The following PTPRD variants were observed in gnomAD, a reference collection of about 807,000 sequenced individuals.
PTPRD encodes the protein receptor-type tyrosine-protein phosphatase delta.
A neutral mutation model predicts 214.5 loss-of-function variants in PTPRD; 34 were observed. The observed-to-expected ratio is 0.16, with a 90% CI of 0.12 to 0.21. The LOEUF is 0.21. Among genes scored for constraint, PTPRD ranks in the 10% least tolerant of loss-of-function variants. The pLI is 1.00. For missense variants in PTPRD, 2,545 were observed against 2,398.7 expected (o/e 1.06, Z -1.27); for synonymous variants, 1,128 against 845.7 (o/e 1.33, Z -5.79).
intron 12 of PTPRD, 63 bp downstream of exon 12, chr9:8,733,717 C>T (rs2098686441): frequency 6.6e-7 from 1 of 1,510,594 alleles, no homozygotes; most frequent in Non-Finnish European, 9.0e-7. Context: ...GAGCCTGGTG[C>T]CAACTGCAAA....
intron 23 of PTPRD, among the ~76,000 whole-genome samples, 199 bp downstream of exon 23, chr9:8,504,062 G>A (rs557439823): frequency 6.6e-6 from 1 of 152,282 alleles, no homozygotes; most frequent in South Asian, 2.1e-4. Flanking sequence ...GAAGTGGGAA[G>A]GTGGGATCTG....
At chr9:10,244,597 GC>G (rs61304531) in intron 3 of PTPRD, among the ~76,000 whole-genome samples, 83,728 of 151,854 alleles carry the variant, frequency 0.55, 24,710 homozygotes, top group East Asian at 0.73. Context: ...TTGGATATGA[GC>G]CAGGGAATCA....
At position 8,705,180 on chromosome 9, in the gene PTPRD, T is replaced by C. The variant is rs13296511; in HGVS notation, c.64+28600A>G. ...AATTCTCACAAGAAAAATGTATTAT[T>C]CCCTTAATGAGTATGATCACTTTCC... On this transcript the variant is annotated intron_variant, in intron 12 of 45. Transcript: ENST00000381196. Among the ~76,000 whole-genome samples, 1,335 of 152,274 alleles carry C rather than the reference T, an allele frequency of 8.8e-3. 10 individuals carry two copies. Among genetic ancestry groups the C allele is most frequent in the Non-Finnish European group, 0.014 (956 of 68,034 alleles).
intron 4 of PTPRD, among the ~76,000 whole-genome samples, chr9:10,000,844 G>T (rs957225742): frequency 9.9e-5 from 15 of 152,078 alleles, no homozygotes; most frequent in African/African-American, 3.6e-4. Flanking sequence ...CTATCTCCAC[G>T]GGTGCAGGAC....
chr9:8,775,483 C>T (rs1462311675), intron 11 of PTPRD, among the ~76,000 whole-genome samples: 1 of 152,004 alleles, frequency 6.6e-6, no homozygotes, highest in African/African-American at 2.4e-5. Context: ...AGATGCAGTA[C>T]ATAACAGGTA....
intron 2 of PTPRD, among the ~76,000 whole-genome samples, chr9:10,510,525 G>A (rs543942381): frequency 3.8e-4 from 58 of 151,918 alleles, no homozygotes; most frequent in Non-Finnish European, 7.8e-4. Context: ...TGTTGCTTTC[G>A]GCATATCGCT....
At chr9:9,297,697 T>C (rs1981049) in intron 9 of PTPRD, among the ~76,000 whole-genome samples, 109,859 of 151,304 alleles carry the variant, frequency 0.73, 40,129 homozygotes, top group African/African-American at 0.79. Context: ...CCAACATTGA[T>C]GGTTGGTTAA....
intron 10 of PTPRD, among the ~76,000 whole-genome samples, chr9:9,177,081 T>TATA: frequency 6.6e-6 from 1 of 152,248 alleles, no homozygotes; most frequent in African/African-American, 2.4e-5. Flanking sequence ...AAAAGAGGTT[T>TATA]AATTGACTCA....
At chr9:10,462,521 C>A (rs2098966212) in intron 2 of PTPRD, among the ~76,000 whole-genome samples, 1 of 152,244 alleles carries the variant, frequency 6.6e-6, no homozygotes, top group African/African-American at 2.4e-5. Context: ...TAGAGCATTC[C>A]ACACTGTGGG....
intron 14 of PTPRD, among the ~76,000 whole-genome samples, chr9:8,556,933 C>G (rs1273045896): frequency 6.6e-6 from 1 of 152,106 alleles, no homozygotes; most frequent in Non-Finnish European, 1.5e-5. Context: ...CTTTATAGTC[C>G]TTATATGCAC....
At chr9:8,511,776 A>G (rs1041895732) in intron 21 of PTPRD, among the ~76,000 whole-genome samples, 1 of 152,174 alleles carries the variant, frequency 6.6e-6, no homozygotes, top group African/African-American at 2.4e-5. Context: ...CCTCTTGATT[A>G]CTTACTTAAT....
chr9:10,556,072 T>A (rs141076880), intron 2 of PTPRD, among the ~76,000 whole-genome samples: 1,742 of 152,252 alleles, frequency 0.011, 36 homozygotes, highest in African/African-American at 0.039. Flanking sequence ...CTTTTGCAAC[T>A]GTTTTTTATA....
At chr9:10,575,987 G>C (rs2069173023) in intron 2 of PTPRD, among the ~76,000 whole-genome samples, 1 of 152,082 alleles carries the variant, frequency 6.6e-6, no homozygotes, top group Non-Finnish European at 1.5e-5. Flanking sequence ...GATTAGGATG[G>C]TTATTTTCAC....
At chr9:9,576,361 G>C (rs1196914176) in intron 7 of PTPRD, among the ~76,000 whole-genome samples, 5 of 152,110 alleles carry the variant, frequency 3.3e-5, no homozygotes, top group Non-Finnish European at 7.4e-5. Flanking sequence ...TATCACGGAG[G>C]TGTAAAGGAG....
At chr9:8,395,562 C>A (rs1266730574) in intron 36 of PTPRD, among the ~76,000 whole-genome samples, 2 of 152,086 alleles carry the variant, frequency 1.3e-5, no homozygotes, top group African/African-American at 2.4e-5. Context: ...TGCAAAGACA[C>A]AGTCTATTGT....
chr9:8,391,591 G>A (rs923305779), intron 36 of PTPRD, among the ~76,000 whole-genome samples: 2 of 152,120 alleles, frequency 1.3e-5, no homozygotes, highest in Non-Finnish European at 2.9e-5. Flanking sequence ...CATCTAACAG[G>A]AAAAACCTAC....
chr9:9,702,972 T>G (rs1396114682), intron 7 of PTPRD, among the ~76,000 whole-genome samples: 1 of 152,184 alleles, frequency 6.6e-6, no homozygotes, highest in Non-Finnish European at 1.5e-5. Context: ...ACTATTCTCT[T>G]TTTAAACAGA....
chr9:9,359,608 C>G (rs2138920760), intron 9 of PTPRD, among the ~76,000 whole-genome samples: 1 of 151,368 alleles, frequency 6.6e-6, no homozygotes, highest in East Asian at 2.0e-4. Flanking sequence ...CTAGTCATTA[C>G]TCACATGGAG....
intron 2 of PTPRD, among the ~76,000 whole-genome samples, chr9:10,370,445 G>C (rs1159199749): frequency 6.6e-6 from 1 of 151,940 alleles, no homozygotes; most frequent in Non-Finnish European, 1.5e-5. Flanking sequence ...CTCTGACATA[G>C]TACAATACTT....
Sources: gnomAD v4.1 joint callset for allele counts (sites outside exome capture counted in the v4.1 genomes callset) on GRCh38, gnomAD v4.1.1 for gene constraint, MANE v1.5 for transcripts, NCBI Gene and HGNC (gene_info 2026-07-23, HGNC 2026-07-21) for gene names.